The following GRIA4 variants were observed in gnomAD, a reference collection of about 807,000 sequenced individuals.
The protein encoded by GRIA4 is glutamate receptor 4.
In GRIA4, 34 loss-of-function variants were observed where a neutral mutation model predicts 104.0. The ratio of observed to expected loss-of-function variants is 0.33; its 90% confidence interval spans 0.25 to 0.44. GRIA4 has a LOEUF of 0.44. GRIA4 is among the 20% of genes least tolerant of loss of function. The pLI, the probability that GRIA4 is intolerant of heterozygous loss-of-function variation, is 1.00. For synonymous variants in GRIA4, 386 were observed against 381.9 expected (o/e 1.01, Z -0.13); for missense variants, 750 against 1,096.5 (o/e 0.68, Z 4.46).
chr11:105,688,885 T>C (rs1265442548), intron 3 of GRIA4, among the ~76,000 whole-genome samples: 2 of 152,068 alleles, frequency 1.3e-5, no homozygotes, highest in Admixed American at 6.6e-5. Flanking sequence ...GCTGTTTATA[T>C]TGGAAGATCT....
At chr11:105,801,673 A>G (rs1446257008) in intron 4 of GRIA4, among the ~76,000 whole-genome samples, 1 of 152,092 alleles carries the variant, frequency 6.6e-6, no homozygotes, top group Non-Finnish European at 1.5e-5. Flanking sequence ...ACAATGTACA[A>G]GTACTATGCT....
chr11:105,835,220 A>G lies in GRIA4; in HGVS notation c.488-26804A>G, dbSNP rs142245203. ...AAAGAAAAAATTAATTATATTGCCA[A>G]CTTGTAAGTAGAGATTTTCTTCATC... On this transcript the variant is annotated intron_variant, in intron 4 of 16. Transcript: ENST00000282499. Among the ~76,000 whole-genome samples the G allele has an allele frequency of 8.9e-3, 1,360 of 152,122 alleles. 26 individuals are homozygous for G. Among genetic ancestry groups the G allele is most frequent in the African/African-American group, 0.03 (1,258 of 41,560 alleles).
At chr11:105,693,025 C>G (rs571272644) in intron 3 of GRIA4, among the ~76,000 whole-genome samples, 2 of 152,292 alleles carry the variant, frequency 1.3e-5, no homozygotes, top group South Asian at 4.1e-4. Flanking sequence ...TCAGATTTTA[C>G]TGAGGGCATT....
chr11:105,620,144 A>C (rs1950704067), intron 3 of GRIA4, among the ~76,000 whole-genome samples: 1 of 151,926 alleles, frequency 6.6e-6, no homozygotes, highest in East Asian at 1.9e-4. Context: ...TGACTTACAA[A>C]TTAGTAAATC....
chr11:105,929,281 A>G (rs950327688), intron 13 of GRIA4, among the ~76,000 whole-genome samples: 32 of 152,088 alleles, frequency 2.1e-4, no homozygotes, highest in South Asian at 2.1e-4. Flanking sequence ...TGGTACATCT[A>G]TCAGCTCCAC....
intron 3 of GRIA4, among the ~76,000 whole-genome samples, chr11:105,698,537 G>A (rs1953368553): frequency 6.6e-6 from 1 of 152,122 alleles, no homozygotes; most frequent in African/African-American, 2.4e-5. Context: ...ACAATGAACT[G>A]CTTTGCAATG....
intron 3 of GRIA4, among the ~76,000 whole-genome samples, chr11:105,628,917 T>G (rs960179341): frequency 1.1e-4 from 17 of 152,182 alleles, no homozygotes; most frequent in Admixed American, 7.2e-4. Context: ...TGTCTTAACC[T>G]CTTTATATTT....
At chr11:105,801,122 A>C (rs1942702631) in intron 4 of GRIA4, among the ~76,000 whole-genome samples, 1 of 151,764 alleles carries the variant, frequency 6.6e-6, no homozygotes. Context: ...GAATGAAATT[A>C]GGAATAAACT....
At chr11:105,932,551 A>C (rs2136209682) in intron 13 of GRIA4, among the ~76,000 whole-genome samples, 1 of 152,316 alleles carries the variant, frequency 6.6e-6, no homozygotes, top group East Asian at 1.9e-4. Flanking sequence ...GCAGATAACA[A>C]GAAAAAGGAC....
intron 3 of GRIA4, among the ~76,000 whole-genome samples, chr11:105,737,424 C>G (rs1939022145): frequency 6.6e-6 from 1 of 151,836 alleles, no homozygotes; most frequent in African/African-American, 2.4e-5. Flanking sequence ...CCATGGTTAG[C>G]TGTAAATTCT....
chr11:105,831,669 G>A (rs1000830101), intron 4 of GRIA4, among the ~76,000 whole-genome samples: 1 of 152,010 alleles, frequency 6.6e-6, no homozygotes, highest in Non-Finnish European at 1.5e-5. Context: ...TAAAGCGAGT[G>A]CCTCTGATAA....
chr11:105,928,774 G>A (rs1473883805), intron 13 of GRIA4, among the ~76,000 whole-genome samples: 1 of 152,044 alleles, frequency 6.6e-6, no homozygotes. Context: ...GTAACTCACT[G>A]TAAAGCTCTT....
intron 3 of GRIA4, among the ~76,000 whole-genome samples, chr11:105,715,037 C>A (rs1207751516): frequency 6.6e-6 from 1 of 152,020 alleles, no homozygotes; most frequent in Non-Finnish European, 1.5e-5. Context: ...TTGATTGCAA[C>A]AAAATCATCA....
At chr11:105,927,579 T>C (rs1466921940) in intron 13 of GRIA4, among the ~76,000 whole-genome samples, 4 of 152,100 alleles carry the variant, frequency 2.6e-5, no homozygotes, top group Non-Finnish European at 5.9e-5. Flanking sequence ...TATGGATACA[T>C]GTATAATTGC....
At chr11:105,698,282 A>T (rs1953358293) in intron 3 of GRIA4, among the ~76,000 whole-genome samples, 1 of 152,236 alleles carries the variant, frequency 6.6e-6, no homozygotes, top group African/African-American at 2.4e-5. Context: ...TAATGTAATT[A>T]TAGTGCAAGA....
chr11:105,936,184 A>G (rs1401436393), intron 14 of GRIA4, among the ~76,000 whole-genome samples: 1 of 152,138 alleles, frequency 6.6e-6, no homozygotes, highest in African/African-American at 2.4e-5. Flanking sequence ...TCTCATTCTT[A>G]TCCAACTAGG....
intron 5 of GRIA4, among the ~76,000 whole-genome samples, chr11:105,886,141 A>C (rs1202344000): frequency 6.6e-6 from 1 of 152,238 alleles, no homozygotes; most frequent in Non-Finnish European, 1.5e-5. Context: ...ATAGCCATGT[A>C]TACAAAACTC....
At chr11:105,708,275 C>T (rs1222288710) in intron 3 of GRIA4, among the ~76,000 whole-genome samples, 5 of 152,094 alleles carry the variant, frequency 3.3e-5, no homozygotes, top group African/African-American at 1.2e-4. Flanking sequence ...CTCTTCAAAA[C>T]AAATACCAGA....
At chr11:105,648,930 C>T (rs1461563329) in intron 3 of GRIA4, among the ~76,000 whole-genome samples, 1 of 152,190 alleles carries the variant, frequency 6.6e-6, no homozygotes, top group East Asian at 1.9e-4. Flanking sequence ...CGGATTTTCT[C>T]AGGGTGACCT....
Sources: allele counts gnomAD v4.1 joint callset (sites outside exome capture counted in the v4.1 genomes callset), GRCh38; gene constraint gnomAD v4.1.1; transcripts MANE v1.5; gene names NCBI Gene and HGNC (gene_info 2026-07-23, HGNC 2026-07-21).